ADGRL3: variants seen among roughly 807,000 people sequenced by gnomAD.
The protein encoded by ADGRL3 is calcium-independent alpha-latrotoxin receptor 3.
Under a neutral mutation model 153.5 loss-of-function variants are expected in ADGRL3, and 62 were observed. The observed-to-expected ratio is 0.40, with a 90% CI of 0.33 to 0.50. The LOEUF (loss-of-function observed/expected upper bound fraction) is 0.50, where lower values mean the gene tolerates loss of function less well. ADGRL3 is among the 20% of genes least tolerant of loss of function. ADGRL3 has a pLI of 0.47. For missense variants in ADGRL3, 1,641 were observed against 1,859.4 expected (o/e 0.88, Z 2.16); for synonymous variants, 710 against 672.5 (o/e 1.06, Z -0.86).
At chr4:61,462,313 A>G (rs907052161) in intron 2 of ADGRL3, among the ~76,000 whole-genome samples, 9 of 152,198 alleles carry the variant, frequency 5.9e-5, no homozygotes, top group African/African-American at 1.4e-4. Context: ...ATTAAAATAC[A>G]TATGCTCTTG....
At chr4:61,245,747 A>G (rs1171510265) in intron 1 of ADGRL3, among the ~76,000 whole-genome samples, 1 of 152,114 alleles carries the variant, frequency 6.6e-6, no homozygotes, top group Non-Finnish European at 1.5e-5. Flanking sequence ...TCCTATTTAT[A>G]ATTATCATAC....
rs1560378658 is a variant in ADGRL3, at chr4:61,241,706, ATGTAT to A, written c.-240+39942_-240+39946del. ...ATATTTATCACTTGTTTACAACTTA[ATGTAT>A]AAACCTTTTTACTTGTGAGCACAGA... On this transcript the variant is annotated intron_variant, in intron 1 of 26. Coordinates refer to ENST00000683033, the MANE Select transcript of ADGRL3 (RefSeq NM_001387552.1). 9.2e-5 allele frequency among the ~76,000 whole-genome samples: 14 copies of A among 152,030 alleles called. No individual in the cohort carries two copies. The East Asian group carries it at 2.5e-3, about 27-fold the overall frequency.
chr4:61,645,113 CT>C lies in ADGRL3; in HGVS notation c.474-31706del, dbSNP rs578083176. Among the ~76,000 whole-genome samples, 270 of 35,022 alleles carry C rather than the reference CT, an allele frequency of 7.7e-3. 2 individuals carry two copies. In the East Asian group the frequency reaches 0.17, roughly 22 times the overall value. 23.0% of individuals were successfully genotyped at this position (35,022 alleles called of 152,430 possible). A position where few individuals can be genotyped will look rare whatever the true frequency, so the allele number is the denominator to read the frequency against. On this transcript the variant is annotated intron_variant, in intron 5 of 26. Transcript: ENST00000683033. ...CAGAGACTAGGATTGCAACCCCTGCCTTTTTTTGTTTTCCATTTTTTTTGGT... is the reference window on the plus strand; with the variant it reads ...CAGAGACTAGGATTGCAACCCCTGCCTTTTTTGTTTTCCATTTTTTTTGGT...
chr4:61,408,353 A>G (rs2152229799), intron 2 of ADGRL3, among the ~76,000 whole-genome samples: 1 of 151,070 alleles, frequency 6.6e-6, no homozygotes, highest in Middle Eastern at 3.5e-3. Context: ...TGGGAAGGCT[A>G]TTTTAAACTA....
intron 1 of ADGRL3, among the ~76,000 whole-genome samples, chr4:61,261,669 A>G (rs2092531748): frequency 6.6e-6 from 1 of 152,178 alleles, no homozygotes; most frequent in African/African-American, 2.4e-5. Context: ...AGTGCTGAAT[A>G]AAAGAGACAA....
At chr4:61,391,827 A>G (rs2096806362) in intron 2 of ADGRL3, among the ~76,000 whole-genome samples, 2 of 151,218 alleles carry the variant, frequency 1.3e-5, no homozygotes, top group Non-Finnish European at 2.9e-5. Context: ...AGATTTAGGT[A>G]AGAAAATTAT....
chr4:61,267,620 C>T (rs1428595095), intron 1 of ADGRL3, among the ~76,000 whole-genome samples: 2 of 151,580 alleles, frequency 1.3e-5, no homozygotes, highest in Non-Finnish European at 3.0e-5. Context: ...ATAGGGATGG[C>T]TGCCCCTTTT....
intron 4 of ADGRL3, among the ~76,000 whole-genome samples, chr4:61,547,098 G>T (rs1046006736): frequency 1.3e-5 from 2 of 152,036 alleles, no homozygotes; most frequent in Admixed American, 6.6e-5. Context: ...TTTATTGTTT[G>T]CAGATTGTGA....
At chr4:61,453,938 T>C (rs1233946467) in intron 2 of ADGRL3, among the ~76,000 whole-genome samples, 1 of 152,038 alleles carries the variant, frequency 6.6e-6, no homozygotes, top group Non-Finnish European at 1.5e-5. Context: ...ATTTTAATAT[T>C]ATATATATAA....
At chr4:61,871,972 TA>T (rs2098448122) in intron 9 of ADGRL3, among the ~76,000 whole-genome samples, 2 of 152,222 alleles carry the variant, frequency 1.3e-5, no homozygotes, top group African/African-American at 4.8e-5. Flanking sequence ...TCTTTATACT[TA>T]CTACTAACAT....
At chr4:61,487,025 T>G (rs2098202660) in intron 2 of ADGRL3, among the ~76,000 whole-genome samples, 2 of 152,218 alleles carry the variant, frequency 1.3e-5, no homozygotes, top group Non-Finnish European at 2.9e-5. Flanking sequence ...AAAGTTTGTT[T>G]TAATATTTTA....
chr4:61,928,682 G>A (rs2098804958), intron 13 of ADGRL3, among the ~76,000 whole-genome samples: 1 of 151,908 alleles, frequency 6.6e-6, no homozygotes, highest in Non-Finnish European at 1.5e-5. Flanking sequence ...AATAACCTGT[G>A]GTTCAGATTT....
chr4:61,703,339 A>T (rs80258515), intron 6 of ADGRL3, among the ~76,000 whole-genome samples: 4,127 of 152,230 alleles, frequency 0.027, 194 homozygotes, highest in African/African-American at 0.094. Flanking sequence ...AAGAAACATG[A>T]TCCATTTACA....
At chr4:61,871,696 C>G (rs2098446579) in intron 9 of ADGRL3, among the ~76,000 whole-genome samples, 1 of 152,208 alleles carries the variant, frequency 6.6e-6, no homozygotes, top group South Asian at 2.1e-4. Flanking sequence ...TTGTTATACG[C>G]ACAATTCTAT....
intron 9 of ADGRL3, among the ~76,000 whole-genome samples, chr4:61,856,474 CTTTT>C (rs749077584): frequency 2.2e-5 from 3 of 138,566 alleles, no homozygotes; most frequent in African/African-American, 8.1e-5. Context: ...CTTTTCTTTT[CTTTT>C]TTATTTTCTC....
chr4:61,394,440 T>C (rs2152051899), intron 2 of ADGRL3, among the ~76,000 whole-genome samples: 1 of 152,132 alleles, frequency 6.6e-6, no homozygotes, highest in Non-Finnish European at 1.5e-5. Context: ...CCCTGAGCAC[T>C]GATGAAAAGT....
chr4:61,720,431 T>A (rs1330777514), intron 6 of ADGRL3, among the ~76,000 whole-genome samples: 1 of 152,230 alleles, frequency 6.6e-6, no homozygotes, highest in East Asian at 1.9e-4. Context: ...GTTACTGATA[T>A]TAACTTTCAA....
intron 1 of ADGRL3, among the ~76,000 whole-genome samples, chr4:61,236,421 CTGTG>C (rs139276631): frequency 0.016 from 2,375 of 152,202 alleles, 68 homozygotes; most frequent in Admixed American, 0.073. Flanking sequence ...CATTTTTCTA[CTGTG>C]TGTATCATGG....
At chr4:61,711,458 T>TTATATATA (rs1167827672) in intron 6 of ADGRL3, among the ~76,000 whole-genome samples, 916 of 34,636 alleles carry the variant, frequency 0.026, 45 homozygotes, top group South Asian at 0.047. Flanking sequence ...ATATGCTTCA[T>TTATATATA]TATATATATA....
Sources: allele counts gnomAD v4.1 joint callset (sites outside exome capture counted in the v4.1 genomes callset), GRCh38; gene constraint gnomAD v4.1.1; transcripts MANE v1.5; gene names NCBI Gene and HGNC (gene_info 2026-07-23, HGNC 2026-07-21).